Variants in IL19 observed in about 807,000 individuals in gnomAD.
The protein encoded by IL19 is interleukin 19.
In IL19, 15 loss-of-function variants were observed where a neutral mutation model predicts 19.5. That is an observed-to-expected ratio of 0.77 (90% CI 0.52 to 1.19). The LOEUF (loss-of-function observed/expected upper bound fraction) is 1.19. Among genes scored for constraint, IL19 ranks in the 50% most tolerant of loss-of-function variants. The pLI is 0.00. For missense variants in IL19, 199 were observed against 213.1 expected, an observed-to-expected ratio of 0.93 and a Z score of 0.41; for synonymous variants, 78 against 78.3, an observed-to-expected ratio of 1.00 and a Z score of 0.02.
intron 2 of IL19, among the ~76,000 whole-genome samples, chr1:206,814,402 T>A (rs7529836): frequency 6.7e-6 from 1 of 149,870 alleles, no homozygotes; most frequent in African/African-American, 2.5e-5. Context: ...GGAATCAGAA[T>A]GCTTTGGGCC....
intron 1 of IL19, among the ~76,000 whole-genome samples, chr1:206,788,142 G>C (rs1262672364): frequency 6.6e-6 from 1 of 152,180 alleles, no homozygotes; most frequent in African/African-American, 2.4e-5. Context: ...TCTGTTGTGT[G>C]AGTGTGCTCA....
At chr1:206,834,084 A>G in intron 2 of IL19, 1 of 985,612 alleles carries the variant, frequency 1.0e-6, no homozygotes, top group Non-Finnish European at 1.2e-6. Context: ...CTGCATGGAC[A>G]TAGAATTGCA....
At chr1:206,784,026 G>A (rs562862290) in intron 1 of IL19, among the ~76,000 whole-genome samples, 22 of 152,246 alleles carry the variant, frequency 1.4e-4, no homozygotes, top group Admixed American at 1.0e-3. Flanking sequence ...TCTCTTCGTG[G>A]ATCTGAAGAC....
chr1:206,790,644 G>A (rs1369480941), intron 1 of IL19, among the ~76,000 whole-genome samples: 2 of 152,106 alleles, frequency 1.3e-5, no homozygotes, highest in Non-Finnish European at 2.9e-5. Context: ...TCATTTTGGT[G>A]GAGACAGACT....
chr1:206,785,797 C>G (rs1446638133), intron 1 of IL19, among the ~76,000 whole-genome samples: 1 of 152,156 alleles, frequency 6.6e-6, no homozygotes, highest in African/African-American at 2.4e-5. Flanking sequence ...AAGTTTGGTC[C>G]TATTTATAGT....
chr1:206,789,467 T>C (rs1366330081), intron 1 of IL19, among the ~76,000 whole-genome samples: 1 of 152,228 alleles, frequency 6.6e-6, no homozygotes, highest in Non-Finnish European at 1.5e-5. Flanking sequence ...TTATATCACC[T>C]AGAATAATGG....
At chr1:206,801,941 C>A (rs773254578) in intron 2 of IL19, among the ~76,000 whole-genome samples, 4 of 152,036 alleles carry the variant, frequency 2.6e-5, no homozygotes, top group Non-Finnish European at 4.4e-5. Flanking sequence ...CTCCAGTGAG[C>A]AGAAAAAGGG....
Position 206,840,014 on chromosome 1 carries a change from G to A in IL19, c.363+12G>A. 6 of 1,614,106 alleles carry A rather than the reference G, an allele frequency of 3.7e-6. No homozygotes were observed. The highest frequency in any genetic ancestry group is 5.1e-6 in the Non-Finnish European group (6 of 1,179,998). On this transcript the variant is annotated intron_variant, in intron 5 of 6. Coordinates refer to ENST00000659997, the MANE Select transcript of IL19 (RefSeq NM_153758.5). ...CTCTGCGGCAATGTGTGAGTCACTG[G>A]GTCAGAATTCCAGCATCTGCTCCCT...
chr1:206,823,246 A>G (rs1206393798), intron 2 of IL19, among the ~76,000 whole-genome samples: 1 of 151,944 alleles, frequency 6.6e-6, no homozygotes, highest in Non-Finnish European at 1.5e-5. Context: ...TTTCTAGGTG[A>G]TCCAAGTTAG....
At chr1:206,829,891 G>A (rs1676543549) in intron 2 of IL19, among the ~76,000 whole-genome samples, 1 of 152,214 alleles carries the variant, frequency 6.6e-6, no homozygotes, top group South Asian at 2.1e-4. Context: ...AGGAGGAGGA[G>A]AAGGAAGTAC....
At chr1:206,840,981 G>A (rs1676997039) in intron 5 of IL19, 23 bp from the exon 6 acceptor site, 9 of 1,605,764 alleles carry the variant, frequency 5.6e-6, no homozygotes, top group Non-Finnish European at 7.7e-6. Flanking sequence ...CCTCTGATAG[G>A]AGCTTCCTCC....
intron 5 of IL19, chr1:206,840,351 A>G (rs1676966777): frequency 2.6e-6 from 1 of 391,036 alleles, no homozygotes; most frequent in South Asian, 2.2e-5. Flanking sequence ...ACATCAATAA[A>G]CCTCTGGGTA....
Position 206,770,835 on chromosome 1 carries a change from G to T in IL19, c.-392G>T. 7.1e-7 allele frequency: 1 copy of T among 1,411,268 alleles called. No individual in the cohort carries two copies. Among genetic ancestry groups the T allele is most frequent in the Non-Finnish European group, 1.0e-6 (1 of 993,844 alleles). 87.4% of individuals were successfully genotyped at this position (1,411,268 alleles called of 1,614,324 possible). On this transcript the variant is annotated 5_prime_UTR_variant, in exon 1 of 7. Transcript: ENST00000659997. ...GTCTTTGCTGTGTCTGTGGATGTGAGTGTCCCTGCTGGTCTGTAGGAGATG... is the reference window on the plus strand; with the variant it reads ...GTCTTTGCTGTGTCTGTGGATGTGATTGTCCCTGCTGGTCTGTAGGAGATG...
chr1:206,816,403 C>A (rs888034760), intron 2 of IL19, among the ~76,000 whole-genome samples: 3 of 151,966 alleles, frequency 2.0e-5, no homozygotes, highest in South Asian at 4.2e-4. Context: ...AACGGAAGTA[C>A]ACTATCATAA....
chr1:206,837,179 C>T (rs900789076), intron 4 of IL19, among the ~76,000 whole-genome samples, 156 bp downstream of exon 4: 9 of 152,200 alleles, frequency 5.9e-5, no homozygotes, highest in Non-Finnish European at 1.0e-4. Flanking sequence ...TGTTAGGGCA[C>T]GCTAGTGTCC....
At position 206,804,899 on chromosome 1, in the gene IL19, C is replaced by T. The variant is rs542937738; in HGVS notation, c.-3+5893C>T. On this transcript the variant is annotated intron_variant, in intron 2 of 6. Coordinates refer to ENST00000659997, the MANE Select transcript of IL19 (RefSeq NM_153758.5). ...ACTGCATGGGTGAAATTATCTGAAT[C>T]CCAGAGAAATGCTCTTTAGAAGAAT... 4.3e-4 allele frequency among the ~76,000 whole-genome samples: 66 copies of T among 152,306 alleles called. 1 individual carries two copies. In the South Asian group the frequency reaches 0.011, roughly 26 times the overall value.
intron 1 of IL19, among the ~76,000 whole-genome samples, chr1:206,773,586 TTGTGTGTGTGTGTGTGTGTGTG>T (rs2234662): frequency 7.6e-6 from 1 of 131,780 alleles, no homozygotes; most frequent in African/African-American, 2.9e-5. Flanking sequence ...TGTCTTGGAT[TTGTGTGTGTGTGTGTGTGTGTG>T]TGTGTGTGTG....
intron 2 of IL19, among the ~76,000 whole-genome samples, chr1:206,807,528 T>C (rs1387099499): frequency 6.6e-6 from 1 of 152,218 alleles, no homozygotes; most frequent in African/African-American, 2.4e-5. Context: ...TTTTCCTGGC[T>C]CCTTCTTTCT....
intron 1 of IL19, among the ~76,000 whole-genome samples, chr1:206,788,814 C>G (rs147580817): frequency 6.6e-6 from 1 of 152,200 alleles, no homozygotes; most frequent in Non-Finnish European, 1.5e-5. Context: ...GATTCCATAG[C>G]GGTTTCTCTT....
Sources: allele counts gnomAD v4.1 joint callset (sites outside exome capture counted in the v4.1 genomes callset), GRCh38; gene constraint gnomAD v4.1.1; transcripts MANE v1.5; gene names NCBI Gene and HGNC (gene_info 2026-07-23, HGNC 2026-07-21).